SUPT3H: variants seen among roughly 807,000 people sequenced by gnomAD.
The protein encoded by SUPT3H is SPT3 homolog, SAGA and STAGA complex component.
Under a neutral mutation model 44.3 loss-of-function variants are expected in SUPT3H, and 44 were observed. The observed-to-expected ratio is 0.99, with a 90% CI of 0.78 to 1.28. The LOEUF (loss-of-function observed/expected upper bound fraction) is 1.28, where lower values mean the gene tolerates loss of function less well. SUPT3H is among the 50% of genes most tolerant of loss of function. The probability of loss-of-function intolerance (pLI) is 0.00; values close to 1 mark genes in which losing one functional copy is unlikely to be tolerated. For synonymous variants in SUPT3H, 124 were observed against 125.6 expected (o/e 0.99, Z 0.09); for missense variants, 380 against 387.1 (o/e 0.98, Z 0.15).
At chr6:45,242,271 G>A (rs1414982976) in intron 2 of SUPT3H, among the ~76,000 whole-genome samples, 1 of 152,200 alleles carries the variant, frequency 6.6e-6, no homozygotes, top group Non-Finnish European at 1.5e-5. Context: ...ATAGAACATA[G>A]AAGCCAAAGT....
intron 2 of SUPT3H, among the ~76,000 whole-genome samples, chr6:45,299,440 C>A (rs1294861926): frequency 6.6e-6 from 1 of 151,742 alleles, no homozygotes; most frequent in Non-Finnish European, 1.5e-5. Context: ...CAAAAGAAAT[C>A]TTAACTGAAG....
chr6:44,932,860 G>GT (rs1770815183), intron 9 of SUPT3H, 97 bp from the exon 10 acceptor site: 1 of 711,648 alleles, frequency 1.4e-6, no homozygotes, highest in Non-Finnish European at 2.1e-6. Flanking sequence ...AAAGAGACCG[G>GT]TTTTTCCCTT....
chr6:44,897,969 A>C (rs888859811), intron 10 of SUPT3H, among the ~76,000 whole-genome samples: 2 of 152,226 alleles, frequency 1.3e-5, no homozygotes, highest in African/African-American at 4.8e-5. Flanking sequence ...AGAAAATGCC[A>C]AGATCTCAGA....
intron 6 of SUPT3H, among the ~76,000 whole-genome samples, chr6:45,001,314 G>A (rs1781972422): frequency 6.6e-6 from 1 of 152,032 alleles, no homozygotes; most frequent in African/African-American, 2.4e-5. Context: ...CATTTAAAAG[G>A]ATGTTCTGAG....
intron 2 of SUPT3H, among the ~76,000 whole-genome samples, chr6:45,258,114 A>G (rs951309280): frequency 1.3e-5 from 2 of 152,208 alleles, no homozygotes; most frequent in African/African-American, 2.4e-5. Flanking sequence ...AATTTTTCTG[A>G]AATAGATGAT....
At chr6:44,981,656 T>C (rs1779105845) in intron 6 of SUPT3H, among the ~76,000 whole-genome samples, 1 of 152,170 alleles carries the variant, frequency 6.6e-6, no homozygotes, top group South Asian at 2.1e-4. Context: ...GTTTTACCTC[T>C]AACACAAGAT....
intron 9 of SUPT3H, among the ~76,000 whole-genome samples, chr6:44,950,933 A>G (rs1774212663): frequency 6.6e-6 from 1 of 151,698 alleles, no homozygotes. Context: ...ATCTTAAAAC[A>G]CCCTTTTGAA....
intron 3 of SUPT3H, among the ~76,000 whole-genome samples, chr6:45,073,963 A>G (rs1261180828): frequency 6.6e-6 from 1 of 152,020 alleles, no homozygotes; most frequent in East Asian, 1.9e-4. Flanking sequence ...AAATGTTATG[A>G]AAGACACAGC....
At chr6:45,002,985 A>G (rs1450385314) in intron 6 of SUPT3H, among the ~76,000 whole-genome samples, 2 of 152,154 alleles carry the variant, frequency 1.3e-5, no homozygotes, top group Non-Finnish European at 2.9e-5. Flanking sequence ...AACTGTGAAA[A>G]TACTGTCTTG....
chr6:44,918,549 TCTGA>T (rs1045174163), intron 10 of SUPT3H, among the ~76,000 whole-genome samples: 1 of 152,192 alleles, frequency 6.6e-6, no homozygotes, highest in African/African-American at 2.4e-5. Context: ...TATAAATTCA[TCTGA>T]CTGTAGGCAA....
intron 6 of SUPT3H, among the ~76,000 whole-genome samples, chr6:44,973,229 T>C (rs1409867675): frequency 6.6e-6 from 1 of 152,142 alleles, no homozygotes; most frequent in African/African-American, 2.4e-5. Flanking sequence ...TGCTTAAAAA[T>C]TTCTTCTGCT....
intron 1 of SUPT3H, among the ~76,000 whole-genome samples, chr6:45,375,133 G>A (rs1446749734): frequency 6.6e-6 from 1 of 152,218 alleles, no homozygotes; most frequent in East Asian, 1.9e-4. Flanking sequence ...CTTGAACCCA[G>A]GAGGGGGAGG....
At chr6:44,897,499 T>G (rs966352822) in intron 10 of SUPT3H, among the ~76,000 whole-genome samples, 3 of 152,236 alleles carry the variant, frequency 2.0e-5, no homozygotes, top group Admixed American at 6.5e-5. Context: ...GCATTTGTAC[T>G]TATGGAGAAG....
At chr6:45,310,097 C>T (rs543979403) in intron 2 of SUPT3H, among the ~76,000 whole-genome samples, 21 of 152,262 alleles carry the variant, frequency 1.4e-4, no homozygotes, top group Middle Eastern at 3.4e-3. Context: ...GTGGGCAGCA[C>T]GGTGGGAATG....
At chr6:45,315,829 G>T (rs1013454027) in intron 2 of SUPT3H, among the ~76,000 whole-genome samples, 1 of 152,036 alleles carries the variant, frequency 6.6e-6, no homozygotes, top group Non-Finnish European at 1.5e-5. Context: ...ACTTGCACAC[G>T]CATGTTTATA....
rs187090669 is a variant in SUPT3H at position 45,118,829 on chromosome 6, G to A, written c.102-12823C>T. On this transcript the variant is annotated intron_variant, in intron 2 of 10. Transcript: ENST00000371459. ...AAGTAGCCCTGCACTATAACCCTGA[G>A]CTCAACCCTGTTATGTTCTTTGGCC... is the stretch of plus-strand genomic sequence containing the variant. Among the ~76,000 whole-genome samples the A allele has an allele frequency of 4.6e-5, 7 of 152,202 alleles. No homozygotes were observed. The East Asian group carries it at 1.2e-3, about 25-fold the overall frequency.
intron 10 of SUPT3H, among the ~76,000 whole-genome samples, chr6:44,897,578 C>A (rs1284431774): frequency 1.3e-5 from 2 of 152,256 alleles, no homozygotes; most frequent in African/African-American, 4.8e-5. Flanking sequence ...TCATTTCAAG[C>A]AAAATCATAA....
At chr6:45,068,536 T>C (rs895166658) in intron 3 of SUPT3H, among the ~76,000 whole-genome samples, 2 of 152,180 alleles carry the variant, frequency 1.3e-5, no homozygotes, top group Admixed American at 1.3e-4. Context: ...AAATTTCATT[T>C]CTGAAATCGG....
intron 10 of SUPT3H, among the ~76,000 whole-genome samples, chr6:44,878,775 C>G (rs1419431919): frequency 6.6e-6 from 1 of 152,046 alleles, no homozygotes; most frequent in African/African-American, 2.4e-5. Flanking sequence ...CCACGGAGGG[C>G]AAGCCGAAGC....
Sources: gnomAD v4.1 joint callset for allele counts (sites outside exome capture counted in the v4.1 genomes callset) on GRCh38, gnomAD v4.1.1 for gene constraint, MANE v1.5 for transcripts, NCBI Gene and HGNC (gene_info 2026-07-23, HGNC 2026-07-21) for gene names.